Variants in CACNG5 observed in about 807,000 individuals in gnomAD.
CACNG5 encodes the protein voltage-dependent calcium channel gamma-5 subunit.
Under a neutral mutation model 24.8 loss-of-function variants are expected in CACNG5, and 18 were observed. That is an observed-to-expected ratio of 0.73 (90% confidence interval 0.50 to 1.08). CACNG5 has a LOEUF of 1.08. Among genes scored for constraint, CACNG5 ranks in the 50% least tolerant of loss-of-function variants. The pLI, the probability that CACNG5 is intolerant of heterozygous loss-of-function variation, is 0.00. For synonymous variants in CACNG5, 157 were observed against 149.1 expected, an observed-to-expected ratio of 1.05 and a Z score of -0.39; for missense variants, 349 against 367.9, an observed-to-expected ratio of 0.95 and a Z score of 0.42.
intron 1 of CACNG5, among the ~76,000 whole-genome samples, chr17:66,866,175 CTATA>C (rs1976927073): frequency 6.6e-6 from 1 of 152,074 alleles, no homozygotes; most frequent in African/African-American, 2.4e-5. Context: ...AAATCAGAGA[CTATA>C]TATATTCTGC....
chr17:66,859,758 G>A (rs1245876137), intron 1 of CACNG5, among the ~76,000 whole-genome samples: 1 of 151,992 alleles, frequency 6.6e-6, no homozygotes, highest in African/African-American at 2.4e-5. Flanking sequence ...TCATGGAGGG[G>A]GCTGGGCATG....
At chr17:66,870,888 G>A (rs1404164768) in intron 1 of CACNG5, among the ~76,000 whole-genome samples, 1 of 152,008 alleles carries the variant, frequency 6.6e-6, no homozygotes, top group Non-Finnish European at 1.5e-5. Flanking sequence ...GCTGAGGCAG[G>A]AGAATTGCTT....
At chr17:66,870,656 C>A (rs1568069294) in intron 1 of CACNG5, among the ~76,000 whole-genome samples, 1 of 152,128 alleles carries the variant, frequency 6.6e-6, no homozygotes, top group African/African-American at 2.4e-5. Flanking sequence ...CCAGGTGGAA[C>A]CTACATCTCC....
At chr17:66,876,293 G>C (rs940651469) in intron 1 of CACNG5, among the ~76,000 whole-genome samples, 1 of 152,186 alleles carries the variant, frequency 6.6e-6, no homozygotes, top group Admixed American at 6.5e-5. Flanking sequence ...CAGCACCAGG[G>C]TATCAGGGAT....
intron 1 of CACNG5, among the ~76,000 whole-genome samples, chr17:66,855,235 C>T (rs1019702290): frequency 1.3e-5 from 2 of 152,206 alleles, no homozygotes; most frequent in East Asian, 1.9e-4. Context: ...GCAATGTTCC[C>T]GATTCTTTTC....
rs776646070 is a variant in CACNG5, at chr17:66,855,551, T to C, written c.-104+20301T>C. Reference sequence around the variant, plus strand: ...ATATGTATTTTTTTTTGAGACAGAGTCTCACCCTGTCACCCAGGCTGGAGT... The same window carrying C: ...ATATGTATTTTTTTTTGAGACAGAGCCTCACCCTGTCACCCAGGCTGGAGT... On this transcript the variant is annotated intron_variant, in intron 1 of 5. Transcript: ENST00000533854. Among the ~76,000 whole-genome samples, 42 of 152,120 alleles carry C rather than the reference T, an allele frequency of 2.8e-4. 1 individual carries two copies. The highest frequency in any genetic ancestry group is 3.8e-4 in the Non-Finnish European group (26 of 68,008).
intron 1 of CACNG5, among the ~76,000 whole-genome samples, chr17:66,840,645 C>T (rs1976552995): frequency 6.6e-6 from 1 of 152,164 alleles, no homozygotes; most frequent in Non-Finnish European, 1.5e-5. Context: ...TTTAAAAATA[C>T]CCCAGAGTTG....
intron 1 of CACNG5, among the ~76,000 whole-genome samples, chr17:66,857,856 C>A (rs1009849978): frequency 1.3e-5 from 2 of 152,182 alleles, no homozygotes; most frequent in African/African-American, 4.8e-5. Context: ...CAGCCCACTC[C>A]ATCCCACCCC....
At chr17:66,843,813 G>A (rs900805600) in intron 1 of CACNG5, among the ~76,000 whole-genome samples, 2 of 152,158 alleles carry the variant, frequency 1.3e-5, no homozygotes, top group Admixed American at 1.3e-4. Flanking sequence ...TGGGTGGGGG[G>A]AGGCAGGAAC....
chr17:66,852,216 C>T (rs1598048279), intron 1 of CACNG5, among the ~76,000 whole-genome samples: 1 of 152,200 alleles, frequency 6.6e-6, no homozygotes, highest in Non-Finnish European at 1.5e-5. Context: ...GTTCTCAGGC[C>T]TTTGACCTCA....
At chr17:66,859,103 G>C (rs4791023) in intron 1 of CACNG5, among the ~76,000 whole-genome samples, 8,365 of 152,336 alleles carry the variant, frequency 0.055, 300 homozygotes, top group East Asian at 0.088. Context: ...TTCATCTGAA[G>C]TCACGGGGGC....
chr17:66,885,530 C>CG lies in CACNG5; in HGVS notation c.*290_*291insG, dbSNP rs1327130704. ...TGGCTCCAGGAAGCCAGCAGCTCCCCCCAAGCCCAGGAGACACCGATGTTC... is the reference window on the plus strand; with the variant it reads ...TGGCTCCAGGAAGCCAGCAGCTCCCCGCCAAGCCCAGGAGACACCGATGTTC... On this transcript the variant is annotated 3_prime_UTR_variant, in exon 6 of 6. Transcript: ENST00000533854. 175 of 431,212 alleles carry CG rather than the reference C, an allele frequency of 4.1e-4. 1 individual carries two copies. In the East Asian group the frequency reaches 6.2e-3, roughly 15 times the overall value. The allele number at this position is 431,212 out of a possible 1,614,324, so 26.7% of individuals were successfully genotyped here.
chr17:66,877,056 G>A (rs3760263), intron 1 of CACNG5, among the ~76,000 whole-genome samples, 174 bp from the exon 2 acceptor site: 6,041 of 152,230 alleles, frequency 0.04, 178 homozygotes, highest in East Asian at 0.12. Flanking sequence ...AGGACAAGGG[G>A]GTCCTTGCAG....
chr17:66,835,890 C>G (rs1976476727), intron 1 of CACNG5, among the ~76,000 whole-genome samples: 1 of 152,096 alleles, frequency 6.6e-6, no homozygotes, highest in Admixed American at 6.6e-5. Context: ...CAGGCACACC[C>G]CAAATTTGGA....
At position 66,885,062 on chromosome 17, in the gene CACNG5, A is replaced by G. The variant is rs771161946; in HGVS notation, c.650A>G (p.Tyr217Cys). Residue 217 changes from tyrosine to cysteine, a missense_variant, in exon 6 of 6, where the codon TAC (tyrosine) becomes TGC (cysteine). Tyr to Cys is a radical substitution (Grantham distance 194, BLOSUM62 -2). Transcript: ENST00000533854. ...EDMYRPHPGF[Y>C]RPRLSNCSDY... is the part of the protein sequence containing the mutation. ...ATGTACAGGCCCCACCCTGGCTTCT[A>G]CCGCCCTCGGCTGAGCAACTGCTCC... The G allele has an allele frequency of 1.1e-5, 18 of 1,613,938 alleles. No homozygotes were observed. The highest frequency in any genetic ancestry group is 3.3e-4 in the Middle Eastern group (2 of 6,084).
chr17:66,836,719 G>T lies in CACNG5; in HGVS notation c.-104+1469G>T, dbSNP rs754176328. Among the ~76,000 whole-genome samples the T allele has an allele frequency of 1.2e-4, 19 of 152,334 alleles. 1 individual carries two copies. The South Asian group carries it at 2.9e-3, about 23-fold the overall frequency. ...CCCACCCCCAAACCTCCTCTCTCTT[G>T]TCATGTGGAAGGCAGTGGATGTGCT... On this transcript the variant is annotated intron_variant, in intron 1 of 5. Coordinates refer to ENST00000533854, the MANE Select transcript of CACNG5 (RefSeq NM_145811.3).
In CACNG5 at chr17:66,877,405, G is replaced by C; in HGVS notation, c.73G>C (p.Gly25Arg). Residue 25 changes from glycine (G) to arginine (R), a missense_variant, in exon 2 of 6, where the codon GGT (glycine) becomes CGT (arginine). Coordinates refer to ENST00000533854, the MANE Select transcript of CACNG5 (RefSeq NM_145811.3). ...VFAVCGLGLLGIAVSTDYWLY... is the reference protein window; with the variant it reads ...VFAVCGLGLLRIAVSTDYWLY... The stretch of plus-strand genomic sequence containing the variant: ...TGCTGTCTGTGGCTTGGGCCTCCTG[G>C]GTATCGCGGTCAGCACCGACTACTG... The C allele has an allele frequency of 6.2e-7, 1 of 1,614,084 alleles. No individual in the cohort carries two copies. The highest frequency in any genetic ancestry group is 8.5e-7 in the Non-Finnish European group (1 of 1,180,000).
At chr17:66,852,779 A>T (rs1976722451) in intron 1 of CACNG5, among the ~76,000 whole-genome samples, 1 of 152,098 alleles carries the variant, frequency 6.6e-6, no homozygotes, top group African/African-American at 2.4e-5. Flanking sequence ...AAAGGAAATC[A>T]TACAATATGT....
rs763067428 is a variant in CACNG5 at position 66,885,189 on chromosome 17, C to T, written c.777C>T (p.Pro259=). 1.4e-5 allele frequency: 23 copies of T among 1,608,414 alleles called. No homozygotes were observed. The highest frequency in any genetic ancestry group is 3.3e-5 in the Admixed American group (2 of 59,880). The change falls in exon 6 of 6, where the codon CCC becomes CCT. Residue 259 remains proline, a synonymous_variant. Transcript: ENST00000533854. The part of the protein sequence containing the change: ...EASLQMNSNY[P]ALLKCPDYDQ... Reference sequence around the variant, plus strand: ...CCCTGCAGATGAACAGCAACTACCCCGCCTTGCTCAAGTGCCCCGACTATG... The same window carrying T: ...CCCTGCAGATGAACAGCAACTACCCTGCCTTGCTCAAGTGCCCCGACTATG...
Sources: gnomAD v4.1 joint callset for allele counts (sites outside exome capture counted in the v4.1 genomes callset) on GRCh38, gnomAD v4.1.1 for gene constraint, MANE v1.5 for transcripts, NCBI Gene and HGNC (gene_info 2026-07-23, HGNC 2026-07-21) for gene names.